The following REG1B variants were observed in gnomAD, a reference collection of about 807,000 sequenced individuals.
The protein encoded by REG1B is regenerating family member 1 beta.
In REG1B, 21 loss-of-function variants were observed where a neutral mutation model predicts 20.4. That is an observed-to-expected ratio of 1.03 (90% CI 0.73 to 1.48). The LOEUF is 1.48. REG1B is among the 40% of genes most tolerant of loss of function. REG1B has a pLI of 0.00. For synonymous variants in REG1B, 82 were observed against 73.4 expected, an observed-to-expected ratio of 1.12 and a Z score of -0.60; for missense variants, 247 against 197.2, an observed-to-expected ratio of 1.25 and a Z score of -1.51.
At chr2:79,085,304 T>C (rs1185350933) in intron 5 of REG1B, 21 bp from the exon 6 acceptor site, 1 of 1,577,118 alleles carries the variant, frequency 6.3e-7, no homozygotes, top group South Asian at 1.1e-5. Context: ...ATGAGAAGTG[T>C]CAGACATAGA....
chr2:79,086,185 A>T (rs978527636), intron 4 of REG1B, 182 bp downstream of exon 4: 1 of 621,002 alleles, frequency 1.6e-6, no homozygotes, highest in African/African-American at 1.8e-5. Flanking sequence ...TTCAGCCTTC[A>T]GCTCATGTCT....
Position 79,085,608 on chromosome 2 carries a change from A to T in REG1B, c.322-5T>A. The T allele has an allele frequency of 6.2e-7, 1 of 1,602,208 alleles. No individual in the cohort carries two copies. The highest frequency in any genetic ancestry group is 8.5e-7 in the Non-Finnish European group (1 of 1,170,750). On this transcript the variant is annotated splice_polypyrimidine_tract_variant and splice_region_variant and intron_variant, in intron 4 of 5. Transcript: ENST00000305089. ...ACTCCAGTGCCAGCGGCGGTTCTAG[A>T]TGGAGAAGGGCCAGAACAGGGGCCA...
chr2:79,086,952 T>A (rs777401881), intron 2 of REG1B, 22 bp from the exon 3 acceptor site: 1 of 1,594,800 alleles, frequency 6.3e-7, no homozygotes, highest in South Asian at 1.1e-5. Context: ...AAAAAGGAGA[T>A]AATTAAGAAA....
chr2:79,085,149 T>G lies in REG1B; in HGVS notation c.*67A>C. On this transcript the variant is annotated 3_prime_UTR_variant, in exon 6 of 6. Coordinates refer to ENST00000305089, the MANE Select transcript of REG1B (RefSeq NM_006507.4). The stretch of plus-strand genomic sequence containing the variant: ...GGTCTGAACTGAGTTGGAGACATAG[T>G]CTAGTTTAATTTTTGACTTCATAGT... 1 of 1,128,542 alleles carries G rather than the reference T, an allele frequency of 8.9e-7. No individual in the cohort carries two copies. Among genetic ancestry groups the G allele is most frequent in the Non-Finnish European group, 1.4e-6 (1 of 739,774 alleles). 69.9% of individuals were successfully genotyped at this position (1,128,542 alleles called of 1,614,324 possible). A position where few individuals can be genotyped will look rare whatever the true frequency, so the allele number is the denominator to read the frequency against.
chr2:79,086,286 G>A (rs755665381), intron 4 of REG1B, 81 bp downstream of exon 4: 1 of 1,417,790 alleles, frequency 7.1e-7, no homozygotes, highest in Admixed American at 1.9e-5. Flanking sequence ...ATAAAAGTTG[G>A]TGATTGCGGT....
rs1025733980 is a variant in REG1B at position 79,085,754 on chromosome 2, T to C, written c.322-151A>G. ...AATATCATATCATTTCCTCTGCTTT[T>C]GCTCTAAGCTTCTCCTTCTCTAGAA... On this transcript the variant is annotated intron_variant, in intron 4 of 5. Coordinates refer to ENST00000305089, the MANE Select transcript of REG1B (RefSeq NM_006507.4). The C allele has an allele frequency of 7.9e-6, 4 of 507,108 alleles. No homozygotes were observed. In the Admixed American group the frequency reaches 1.5e-4, roughly 19 times the overall value. 31.4% of individuals were successfully genotyped at this position (507,108 alleles called of 1,614,324 possible). A position where few individuals can be genotyped will look rare whatever the true frequency, so the allele number is the denominator to read the frequency against.
rs1672387676 is a variant in REG1B, at chr2:79,085,617, G to A, written c.322-14C>T. On this transcript the variant is annotated splice_polypyrimidine_tract_variant and intron_variant, in intron 4 of 5. Transcript: ENST00000305089. ...CCAGCGGCGGTTCTAGATGGAGAAG[G>A]GCCAGAACAGGGGCCATGGTCACTC... is the stretch of plus-strand genomic sequence containing the variant. The A allele has an allele frequency of 2.6e-6, 4 of 1,554,932 alleles. No homozygotes were observed. The East Asian group carries it at 6.7e-5, about 26-fold the overall frequency.
Position 79,086,093 on chromosome 2 carries a change from A to G in REG1B, c.321+274T>C, listed in dbSNP as rs76499514. 641 of 430,100 alleles carry G rather than the reference A, an allele frequency of 1.5e-3. 6 individuals carry two copies. The East Asian group carries it at 0.017, about 11-fold the overall frequency. The allele number at this position is 430,100 out of a possible 1,614,324, so 26.6% of individuals were successfully genotyped here. Reference sequence around the variant, plus strand: ...CTCTTCCAAGACAGACAATAGCAAAATAGGGAAAAAGTTGTACATAAAGAT... The same window carrying G: ...CTCTTCCAAGACAGACAATAGCAAAGTAGGGAAAAAGTTGTACATAAAGAT... On this transcript the variant is annotated intron_variant, in intron 4 of 5. Transcript: ENST00000305089.
rs750732443 is a variant in REG1B at position 79,086,916 on chromosome 2, T to C, written c.79A>G (p.Thr27Ala). 1 of 1,613,652 alleles carries C rather than the reference T, an allele frequency of 6.2e-7. No homozygotes were observed. The highest frequency in any genetic ancestry group is 8.5e-7 in the Non-Finnish European group (1 of 1,179,814). Residue 27 changes from threonine to alanine, a missense_variant, in exon 3 of 6, where the codon ACA becomes GCA. Coordinates refer to ENST00000305089, the MANE Select transcript of REG1B (RefSeq NM_006507.4). The part of the protein sequence containing the change: ...LSLSQGQESQ[T>A]ELPNPRISCP... ...CTGATTCGGGGATTAGGCAGCTCTG[T>C]CTGGGACTCCTGGCCTGGGGAAAAA...
At position 79,087,579 on chromosome 2, in the gene REG1B, AGAT is replaced by A. The variant is rs1390454113; in HGVS notation, c.31_33del (p.Ile11del). The A allele has an allele frequency of 6.2e-7, 1 of 1,613,844 alleles. No homozygotes were observed. Among genetic ancestry groups the A allele is most frequent in the Non-Finnish European group, 8.5e-7 (1 of 1,179,934 alleles). Reference sequence around the variant, plus strand: ...CTCAGAGACAGGAACATCAGGGAGGAGATCAGCATGAAGAACGAGTTGGTCTGA... The same window carrying A: ...CTCAGAGACAGGAACATCAGGGAGGACAGCATGAAGAACGAGTTGGTCTGA... On this transcript the variant is annotated inframe_deletion, in exon 2 of 6. Coordinates refer to ENST00000305089, the MANE Select transcript of REG1B (RefSeq NM_006507.4).
chr2:79,085,586 C>G lies in REG1B; in HGVS notation c.339G>C (p.Trp113Cys). ...HDPKKNRRWH[W>C]SSGSLVSYKS... is the part of the protein sequence containing the mutation. The stretch of plus-strand genomic sequence containing the variant: ...TGTAGGAGACCAGGGACCCACTACT[C>G]CAGTGCCAGCGGCGGTTCTAGATGG... The change falls in exon 5 of 6, where the codon TGG becomes TGC. Residue 113 changes from tryptophan (W) to cysteine (C), a missense_variant. Coordinates refer to ENST00000305089, the MANE Select transcript of REG1B (RefSeq NM_006507.4). 1 of 1,612,932 alleles carries G rather than the reference C, an allele frequency of 6.2e-7. No individual in the cohort carries two copies. The highest frequency in any genetic ancestry group is 8.5e-7 in the Non-Finnish European group (1 of 1,179,464).
intron 3 of REG1B, 151 bp downstream of exon 3, chr2:79,086,661 T>C: frequency 7.6e-7 from 1 of 1,310,972 alleles, no homozygotes; most frequent in South Asian, 1.2e-5. Context: ...ATGTGTCAAA[T>C]GATGGGATAA....
intron 4 of REG1B, chr2:79,085,997 T>A (rs1397213474): frequency 3.5e-6 from 1 of 289,282 alleles, no homozygotes; most frequent in Non-Finnish European, 6.5e-6. Flanking sequence ...TACACTTGTA[T>A]AAAATGTATA....
Position 79,085,188 on chromosome 2 carries a change from G to C in REG1B, c.*28C>G. Reference sequence around the variant, plus strand: ...TGACTTCATAGTAATTGCAGGACCAGTTCTAGACATCCATTTTTCAGCTTC... The same window carrying C: ...TGACTTCATAGTAATTGCAGGACCACTTCTAGACATCCATTTTTCAGCTTC... On this transcript the variant is annotated 3_prime_UTR_variant, in exon 6 of 6. Coordinates refer to ENST00000305089, the MANE Select transcript of REG1B (RefSeq NM_006507.4). The C allele has an allele frequency of 6.4e-7, 1 of 1,563,702 alleles. No homozygotes were observed. Among genetic ancestry groups the C allele is most frequent in the South Asian group, 1.1e-5 (1 of 90,134 alleles).
intron 2 of REG1B, chr2:79,087,332 A>G (rs1672414995): frequency 1.0e-5 from 6 of 581,424 alleles, no homozygotes; most frequent in Non-Finnish European, 1.8e-5. Flanking sequence ...AAACTCAACC[A>G]CAATGGTCAC....
At chr2:79,085,919 TGTAGA>T in intron 4 of REG1B, 1 of 269,776 alleles carries the variant, frequency 3.7e-6, no homozygotes, top group South Asian at 5.5e-5. Context: ...TAACATTGGC[TGTAGA>T]GTAGTCGTTG....
In REG1B at chr2:79,087,969, G is replaced by A. The variant is rs1237336734; in HGVS notation, c.-57C>T. The A allele has an allele frequency of 5.1e-6, 1 of 194,302 alleles. No homozygotes were observed. Among genetic ancestry groups the A allele is most frequent in the African/African-American group, 2.3e-5 (1 of 42,960 alleles). The allele number at this position is 194,302 out of a possible 1,614,324, so 12.0% of individuals were successfully genotyped here. On this transcript the variant is annotated 5_prime_UTR_variant, in exon 1 of 6. Coordinates refer to ENST00000305089, the MANE Select transcript of REG1B (RefSeq NM_006507.4). ...GTAATGCCCCTTTACCTGTTGGTAAGTGCCTTGTCCACTTGAGGTGGCTTG... is the reference window on the plus strand; with the variant it reads ...GTAATGCCCCTTTACCTGTTGGTAAATGCCTTGTCCACTTGAGGTGGCTTG...
In REG1B at chr2:79,086,402, T is replaced by A. The variant is rs1264946719; in HGVS notation, c.286A>T (p.Ser96Cys). Reference sequence around the variant, plus strand: ...TCATGGAGGCCAATCCAGACATTGCTGTCATCAGTGCTACTCTCCTTAATC... The same window carrying A: ...TCATGGAGGCCAATCCAGACATTGCAGTCATCAGTGCTACTCTCCTTAATC... Reference protein sequence around the residue: ...SLIKESSTDDSNVWIGLHDPK... With the variant: ...SLIKESSTDDCNVWIGLHDPK... The change falls in exon 4 of 6, where the codon AGC becomes TGC. Residue 96 changes from serine to cysteine, a missense_variant. By Grantham distance (112) the Ser-to-Cys change is moderately radical (BLOSUM62 -1). Coordinates refer to ENST00000305089, the MANE Select transcript of REG1B (RefSeq NM_006507.4). 3.1e-6 allele frequency: 5 copies of A among 1,614,100 alleles called. No homozygotes were observed. Among genetic ancestry groups the A allele is most frequent in the South Asian group, 1.1e-5 (1 of 91,080 alleles).
At chr2:79,085,364 A>T (rs747451844) in intron 5 of REG1B, 81 bp from the exon 6 acceptor site, 58 of 1,356,718 alleles carry the variant, frequency 4.3e-5, no homozygotes, top group Middle Eastern at 3.6e-4. Flanking sequence ...AGAACAAAAA[A>T]CTAGAGGAAA....
Sources: gnomAD v4.1 joint callset for allele counts on GRCh38, gnomAD v4.1.1 for gene constraint, MANE v1.5 for transcripts, NCBI Gene and HGNC (gene_info 2026-07-23, HGNC 2026-07-21) for gene names.